CAMK2D: variants seen among roughly 807,000 people sequenced by gnomAD.
The protein encoded by CAMK2D is calcium/calmodulin-dependent protein kinase type II subunit delta.
In CAMK2D, 37 loss-of-function variants were observed where a neutral mutation model predicts 84.0. The ratio of observed to expected loss-of-function variants is 0.44; its 90% confidence interval spans 0.34 to 0.58. The LOEUF is 0.58. Among genes scored for constraint, CAMK2D ranks in the 20% least tolerant of loss-of-function variants. The pLI, the probability that CAMK2D is intolerant of heterozygous loss-of-function variation, is 0.02. For missense variants in CAMK2D, 448 were observed against 652.5 expected, an observed-to-expected ratio of 0.69 and a Z score of 3.41; for synonymous variants, 202 against 212.5, an observed-to-expected ratio of 0.95 and a Z score of 0.43.
chr4:113,536,299 G>T (rs2098489862), intron 7 of CAMK2D, among the ~76,000 whole-genome samples: 1 of 152,154 alleles, frequency 6.6e-6, no homozygotes, highest in African/African-American at 2.4e-5. Context: ...CAGGAACTGA[G>T]GTCCTGCATT....
intron 4 of CAMK2D, among the ~76,000 whole-genome samples, chr4:113,588,805 A>G (rs2098845692): frequency 6.6e-6 from 1 of 152,212 alleles, no homozygotes; most frequent in Non-Finnish European, 1.5e-5. Flanking sequence ...TCCCTGCACT[A>G]ATGGAGCTTA....
At chr4:113,664,919 T>TCTC (rs2099251816) in intron 2 of CAMK2D, among the ~76,000 whole-genome samples, 2 of 151,940 alleles carry the variant, frequency 1.3e-5, no homozygotes. Context: ...TTCTCCTGCC[T>TCTC]CAGCCTCCCA....
chr4:113,503,491 A>G (rs1352780586), intron 14 of CAMK2D, among the ~76,000 whole-genome samples: 1 of 152,144 alleles, frequency 6.6e-6, no homozygotes, highest in South Asian at 2.1e-4. Flanking sequence ...GACAACACTT[A>G]AAAAAAGACT....
chr4:113,661,512 T>G (rs932921792), intron 3 of CAMK2D, among the ~76,000 whole-genome samples: 1 of 152,134 alleles, frequency 6.6e-6, no homozygotes, highest in African/African-American at 2.4e-5. Flanking sequence ...TTTTTCACAT[T>G]TCTACTTCAA....
At chr4:113,733,403 T>C (rs1219522777) in intron 2 of CAMK2D, among the ~76,000 whole-genome samples, 1 of 152,224 alleles carries the variant, frequency 6.6e-6, no homozygotes, top group Non-Finnish European at 1.5e-5. Context: ...AAAGAGTAAC[T>C]AGATGCTGTC....
chr4:113,677,522 A>T (rs929886318), intron 2 of CAMK2D: 1 of 959,424 alleles, frequency 1.0e-6, no homozygotes, highest in African/African-American at 1.8e-5. Flanking sequence ...TTCTTGAAGG[A>T]ACTTGCTCGT....
At chr4:113,612,212 T>C (rs538968990) in intron 3 of CAMK2D, among the ~76,000 whole-genome samples, 3 of 152,326 alleles carry the variant, frequency 2.0e-5, no homozygotes, top group East Asian at 3.9e-4. Context: ...TCAGAGTTGA[T>C]GGTATGTCTA....
At chr4:113,490,240 T>C (rs892081831) in intron 16 of CAMK2D, among the ~76,000 whole-genome samples, 16 of 150,108 alleles carry the variant, frequency 1.1e-4, no homozygotes, top group Admixed American at 7.3e-4. Context: ...TGAATGGTAA[T>C]GCCTAGGTTT....
intron 2 of CAMK2D, among the ~76,000 whole-genome samples, chr4:113,705,930 TA>T (rs1561946602): frequency 6.6e-6 from 1 of 152,156 alleles, no homozygotes; most frequent in Non-Finnish European, 1.5e-5. Flanking sequence ...CAAAAACCTG[TA>T]ACACCATATA....
intron 16 of CAMK2D, among the ~76,000 whole-genome samples, chr4:113,490,864 T>C (rs921724307): frequency 1.1e-5 from 1 of 90,834 alleles, no homozygotes; most frequent in Non-Finnish European, 2.2e-5. Flanking sequence ...TCACATCCCT[T>C]GTAAGTTGGA....
intron 4 of CAMK2D, among the ~76,000 whole-genome samples, chr4:113,578,451 T>C (rs984716841): frequency 1.3e-5 from 2 of 152,176 alleles, no homozygotes; most frequent in African/African-American, 4.8e-5. Flanking sequence ...CATCTCGGAA[T>C]TGTTTGTTTT....
chr4:113,740,424 T>G (rs2099590107), intron 2 of CAMK2D, among the ~76,000 whole-genome samples: 1 of 152,120 alleles, frequency 6.6e-6, no homozygotes, highest in Non-Finnish European at 1.5e-5. Context: ...CATGAAATGT[T>G]CAGAATAAAA....
chr4:113,513,697 G>A (rs1337054963), intron 11 of CAMK2D, 133 bp downstream of exon 11: 7 of 610,882 alleles, frequency 1.1e-5, no homozygotes, highest in Non-Finnish European at 1.8e-5. Context: ...TTTCCCAAGA[G>A]CCCCAAAAAG....
At chr4:113,482,956 G>T (rs538270561) in intron 16 of CAMK2D, among the ~76,000 whole-genome samples, 8 of 152,246 alleles carry the variant, frequency 5.3e-5, no homozygotes, top group Admixed American at 5.2e-4. Flanking sequence ...ATAATGGATT[G>T]GCAAACTCTG....
At chr4:113,537,201 A>G in intron 7 of CAMK2D, 140 bp downstream of exon 7, 1 of 536,392 alleles carries the variant, frequency 1.9e-6, no homozygotes, top group South Asian at 3.1e-5. Context: ...AAATGCTTAT[A>G]AAGGCACAAT....
chr4:113,661,042 G>A (rs1454138870), intron 3 of CAMK2D, among the ~76,000 whole-genome samples: 32 of 151,846 alleles, frequency 2.1e-4, no homozygotes, highest in African/African-American at 2.4e-5. Context: ...TGATCCACCC[G>A]CCTCGGCCTC....
At chr4:113,597,639 T>C (rs1044737728) in intron 4 of CAMK2D, among the ~76,000 whole-genome samples, 1 of 152,244 alleles carries the variant, frequency 6.6e-6, no homozygotes, top group African/African-American at 2.4e-5. Context: ...TGTCTTATCA[T>C]CTGTTTGCTA....
At chr4:113,758,620 A>G (rs892156743) in intron 2 of CAMK2D, among the ~76,000 whole-genome samples, 1 of 152,190 alleles carries the variant, frequency 6.6e-6, no homozygotes, top group African/African-American at 2.4e-5. Context: ...GTACTTTTGC[A>G]TGAGTTCTAC....
At chr4:113,520,736 A>AAAT (rs1201553032) in intron 8 of CAMK2D, among the ~76,000 whole-genome samples, 1 of 151,832 alleles carries the variant, frequency 6.6e-6, no homozygotes, top group Non-Finnish European at 1.5e-5. Context: ...TGGGGTTGCA[A>AAAT]AATAATGATG....
Sources: allele counts gnomAD v4.1 joint callset (sites outside exome capture counted in the v4.1 genomes callset), GRCh38; gene constraint gnomAD v4.1.1; transcripts MANE v1.5; gene names NCBI Gene and HGNC (gene_info 2026-07-23, HGNC 2026-07-21).